Variants in EPG5 observed in about 807,000 individuals in gnomAD.
EPG5 encodes ectopic P granules protein 5 homolog.
EPG5 carries 159 observed loss-of-function variants against 302.7 expected under a neutral mutation model. The observed-to-expected ratio is 0.53, with a 90% CI of 0.46 to 0.60. The LOEUF is 0.60. Ranked by LOEUF, EPG5 falls within the 20% of genes least tolerant of loss-of-function variation. The probability of loss-of-function intolerance (pLI) is 0.00; values close to 1 mark genes in which losing one functional copy is unlikely to be tolerated. For missense variants in EPG5, 2,896 were observed against 3,092.4 expected, an observed-to-expected ratio of 0.94 and a Z score of 1.51; for synonymous variants, 1,158 against 1,136.8, an observed-to-expected ratio of 1.02 and a Z score of -0.37.
chr18:45,828,334 G>T, the EPG5 span, among the ~76,000 whole-genome samples: 2 of 152,036 alleles, frequency 1.3e-5, no homozygotes. Flanking sequence ...CCCCATACTC[G>T]ACACCCAGTG....
Position 45,927,593 on chromosome 18 carries a change from TACACACACAC to T in EPG5, c.2553+1266_2553+1275del, listed in dbSNP as rs67488772. Among the ~76,000 whole-genome samples the T allele has an allele frequency of 4.6e-4, 61 of 133,500 alleles. No homozygotes were observed. In the South Asian group the frequency reaches 5.5e-3, roughly 12 times the overall value. 87.6% of individuals were successfully genotyped at this position (133,500 alleles called of 152,430 possible). On this transcript the variant is annotated intron_variant, in intron 13 of 43. Coordinates refer to ENST00000282041, the MANE Select transcript of EPG5 (RefSeq NM_020964.3). ...GACTGAATGGATAAACAAAAAGTTA[TACACACACAC>T]ACACACACACACACACACACACACA...
intron 11 of EPG5, among the ~76,000 whole-genome samples, chr18:45,931,298 C>CA (rs1015140842): frequency 6.6e-6 from 1 of 151,008 alleles, no homozygotes; most frequent in Non-Finnish European, 1.5e-5. Context: ...TAGGGCATTC[C>CA]AAAAAAAAGA....
chr18:45,874,438 T>C (rs775363376), intron 35 of EPG5, among the ~76,000 whole-genome samples: 1 of 151,804 alleles, frequency 6.6e-6, no homozygotes, highest in South Asian at 2.1e-4. Flanking sequence ...GATAAAGACA[T>C]ATCCAAGACT....
intron 39 of EPG5, among the ~76,000 whole-genome samples, chr18:45,863,610 A>G (rs2048680038): frequency 6.6e-6 from 1 of 152,322 alleles, no homozygotes; most frequent in East Asian, 1.9e-4. Flanking sequence ...TCAGGGCTCA[A>G]TGAAAGTATG....
intron 34 of EPG5, 48 bp from the exon 35 acceptor site, chr18:45,876,390 T>A: frequency 6.8e-7 from 1 of 1,471,174 alleles, no homozygotes; most frequent in Non-Finnish European, 9.5e-7. Context: ...GTGATTAAAA[T>A]ACTGTTAAGT....
At chr18:45,905,152 T>C (rs1284328235) in intron 24 of EPG5, among the ~76,000 whole-genome samples, 1 of 152,222 alleles carries the variant, frequency 6.6e-6, no homozygotes. Flanking sequence ...GAATTATATA[T>C]ATTTCACTTT....
chr18:45,881,888 CT>C (rs1367676375), intron 31 of EPG5, among the ~76,000 whole-genome samples: 1 of 152,188 alleles, frequency 6.6e-6, no homozygotes, highest in Non-Finnish European at 1.5e-5. Flanking sequence ...GAGAAACAAA[CT>C]GTCATATTAA....
chr18:45,909,483 G>A (rs182902359), intron 23 of EPG5, among the ~76,000 whole-genome samples: 1 of 152,308 alleles, frequency 6.6e-6, no homozygotes, highest in African/African-American at 2.4e-5. Flanking sequence ...AGTGCTAGAT[G>A]AAATGGGGAC....
chr18:45,858,629 G>A lies in EPG5; in HGVS notation c.7163C>T (p.Thr2388Ile). ...YLLQCLNSEQTLRNEMKVLLI... is the reference protein window; with the variant it reads ...YLLQCLNSEQILRNEMKVLLI... ...CAGCACTTTCATTTCATTCCTTAAA[G>A]TCTGTTCGCTGTTTAAACACTGAAG... Residue 2388 changes from threonine (T) to isoleucine (I), a missense_variant, in exon 41 of 44, where the codon ACT becomes ATT. Thr to Ile is a moderately conservative substitution (Grantham distance 89, BLOSUM62 -1). This residue lies in a region of EPG5 where 620 missense variants were observed against 704.2 expected (regional missense o/e 0.88). Transcript: ENST00000282041. 1 of 1,614,110 alleles carries A rather than the reference G, an allele frequency of 6.2e-7. No individual in the cohort carries two copies. Among genetic ancestry groups the A allele is most frequent in the Non-Finnish European group, 8.5e-7 (1 of 1,180,006 alleles).
intron 26 of EPG5, 60 bp downstream of exon 26, chr18:45,900,936 T>A (rs2049599121): frequency 1.3e-6 from 2 of 1,549,652 alleles, no homozygotes; most frequent in Non-Finnish European, 1.8e-6. Context: ...GGTAGCAAAT[T>A]ATCCAGGCTG....
chr18:45,907,949 T>C lies in EPG5; in HGVS notation c.4329+9A>G. ...AAAAAAAAAAAAAAAAGGAGGGCTA[T>C]AATTTCACCTGCTGATTCTGCATCA... On this transcript the variant is annotated intron_variant, in intron 24 of 43. Transcript: ENST00000282041. 10 of 1,532,744 alleles carry C rather than the reference T, an allele frequency of 6.5e-6. No homozygotes were observed. The highest frequency in any genetic ancestry group is 8.7e-6 in the Non-Finnish European group (10 of 1,146,944). 94.9% of individuals were successfully genotyped at this position (1,532,744 alleles called of 1,614,324 possible).
intron 27 of EPG5, among the ~76,000 whole-genome samples, chr18:45,897,767 A>G (rs1367376341): frequency 6.6e-6 from 1 of 152,256 alleles, no homozygotes; most frequent in Non-Finnish European, 1.5e-5. Flanking sequence ...GTAATGAAAA[A>G]TACAATACAT....
At chr18:45,948,716 A>C in intron 5 of EPG5, 140 bp from the exon 6 acceptor site, 2 of 658,520 alleles carry the variant, frequency 3.0e-6, no homozygotes, top group Non-Finnish European at 5.4e-6. Context: ...AGAGTAAAGC[A>C]CAGCCCATGG....
intron 5 of EPG5, 61 bp from the exon 6 acceptor site, chr18:45,948,637 T>C (rs936172653): frequency 1.4e-6 from 2 of 1,387,394 alleles, no homozygotes; most frequent in Admixed American, 1.8e-5. Context: ...GTCCATAATC[T>C]TGGTTCACAA....
the EPG5 span, among the ~76,000 whole-genome samples, chr18:45,801,273 T>C: frequency 6.6e-6 from 1 of 152,162 alleles, no homozygotes; most frequent in Non-Finnish European, 1.5e-5. Flanking sequence ...TGACCTCAAG[T>C]GATCTGCCCA....
intron 21 of EPG5, among the ~76,000 whole-genome samples, chr18:45,912,660 T>G (rs1000979275): frequency 2.0e-5 from 3 of 152,234 alleles, no homozygotes; most frequent in Non-Finnish European, 4.4e-5. Context: ...GGGCAGCTTT[T>G]TATTCTGTCA....
chr18:45,867,900 A>AT, intron 36 of EPG5, 152 bp from the exon 37 acceptor site: 1 of 716,494 alleles, frequency 1.4e-6, no homozygotes, highest in South Asian at 1.6e-5. Flanking sequence ...ATTTAGACTT[A>AT]ATATTTGTAA....
rs764923663 is a variant in EPG5, at chr18:45,955,011, T to C, written c.391A>G (p.Lys131Glu). The change falls in exon 2 of 44, where the codon AAA (lysine) becomes GAA (glutamate). Residue 131 changes from lysine to glutamate, a missense_variant. By Grantham distance (56) the Lys-to-Glu change is moderately conservative. Coordinates refer to ENST00000282041, the MANE Select transcript of EPG5 (RefSeq NM_020964.3). ...GTGAAGTTCTTGGGGGTTTCTACTT[T>C]AGTTCCAACATTGTCTCCAGGGTGG... ...KVHPGDNVGT[K>E]VETPKNFTEV... The C allele has an allele frequency of 6.2e-7, 1 of 1,614,198 alleles. No individual in the cohort carries two copies. Among genetic ancestry groups the C allele is most frequent in the East Asian group, 2.2e-5 (1 of 44,892 alleles).
intron 38 of EPG5, among the ~76,000 whole-genome samples, chr18:45,866,253 G>A (rs1362708502): frequency 6.6e-6 from 1 of 151,546 alleles, no homozygotes; most frequent in Non-Finnish European, 1.5e-5. Context: ...CCGAGTAGCT[G>A]GGAATACAGG....
Sources: allele counts gnomAD v4.1 joint callset (sites outside exome capture counted in the v4.1 genomes callset), GRCh38; gene constraint gnomAD v4.1.1; regional missense constraint gnomAD v4.1.1; transcripts MANE v1.5; gene names NCBI Gene and HGNC (gene_info 2026-07-23, HGNC 2026-07-21).